CHST6: variants seen among roughly 807,000 people sequenced by gnomAD.
CHST6 encodes N-acetylglucosamine 6-O-sulfotransferase 5.
For synonymous variants in CHST6, 309 were observed against 276.4 expected, an observed-to-expected ratio of 1.12 and a Z score of -1.17; for missense variants, 698 against 586.2, an observed-to-expected ratio of 1.19 and a Z score of -1.97.
chr16:75,491,494 T>A (rs1194374469), intron 1 of CHST6, among the ~76,000 whole-genome samples: 2 of 151,770 alleles, frequency 1.3e-5, no homozygotes, highest in Non-Finnish European at 2.9e-5. Context: ...CTCAGCCTCC[T>A]GAGTAGCTGG....
rs750212631 is a variant in CHST6 at position 75,478,628 on chromosome 16, A to G, written c.*13T>C. 2.0e-5 allele frequency: 33 copies of G among 1,611,900 alleles called. No homozygotes were observed. The East Asian group carries it at 2.2e-4, about 11-fold the overall frequency. ...CCTCCCGGGCCTAGCGCCTGCTACA[A>G]CTGTGGCCTCCACTAATTTCGGGGG... On this transcript the variant is annotated 3_prime_UTR_variant, in exon 3 of 3. Coordinates refer to ENST00000332272, the MANE Select transcript of CHST6 (RefSeq NM_021615.5).
chr16:75,478,844 C>T lies in CHST6; in HGVS notation c.985G>A (p.Val329Ile), dbSNP rs758259312. The T allele has an allele frequency of 2.5e-6, 4 of 1,613,464 alleles. No homozygotes were observed. Among genetic ancestry groups the T allele is most frequent in the African/African-American group, 1.3e-5 (1 of 75,060 alleles). Reference protein sequence around the residue: ...FKTSSRNALNVSQAWRHALPF... With the variant: ...FKTSSRNALNISQAWRHALPF... ...AGCGCATGGCGCCAGGCCTGGGAGA[C>T]GTTGAGCGCATTCCTGGACGAAGTC... is the stretch of plus-strand genomic sequence containing the variant. The change falls in exon 3 of 3, where the codon GTC becomes ATC. Residue 329 changes from valine (V) to isoleucine (I), a missense_variant. Transcript: ENST00000332272.
At chr16:75,490,835 C>T (rs959488293) in intron 1 of CHST6, 1 of 151,618 alleles carries the variant, frequency 6.6e-6, no homozygotes, top group African/African-American at 2.4e-5. Context: ...TCGTAATAGC[C>T]AAAAAGTGGA....
At chr16:75,484,972 G>A (rs956427033) in intron 1 of CHST6, among the ~76,000 whole-genome samples, 8 of 152,190 alleles carry the variant, frequency 5.3e-5, no homozygotes, top group African/African-American at 1.9e-4. Context: ...CAGAGCACAA[G>A]GCCAGTCAGG....
Position 75,478,932 on chromosome 16 carries a change from G to A in CHST6, c.897C>T (p.Leu299=), listed in dbSNP as rs749119225. Residue 299 remains leucine, a synonymous_variant, in exon 3 of 3, where the codon CTC becomes CTT. Transcript: ENST00000332272. ...AFTGLSLTPQ[L]EAWIHNITHG... ...GGGTGATGTTATGGATCCAGGCCTC[G>A]AGCTGTGGCGTGAGACTGAGCCCAG... The A allele has an allele frequency of 6.8e-6, 11 of 1,613,100 alleles. No homozygotes were observed. The highest frequency in any genetic ancestry group is 1.1e-5 in the South Asian group (1 of 91,088).
Position 75,475,603 on chromosome 16 carries a change from A to G in CHST6, c.*3038T>C, listed in dbSNP as rs1567406293. 6.6e-6 allele frequency: 1 copy of G among 152,222 alleles called. No homozygotes were observed. Among genetic ancestry groups the G allele is most frequent in the African/African-American group, 2.4e-5 (1 of 41,454 alleles). The allele number at this position is 152,222 out of a possible 1,614,324, so 9.4% of individuals were successfully genotyped here. A position where few individuals can be genotyped will look rare whatever the true frequency, so the allele number is the denominator to read the frequency against. ...TATGTACCTACCCAGCCCTGGCTTT[A>G]CTGTGCCTAGTCAGCCAGGCCACTT... On this transcript the variant is annotated 3_prime_UTR_variant, in exon 3 of 3. Coordinates refer to ENST00000332272, the MANE Select transcript of CHST6 (RefSeq NM_021615.5).
intron 1 of CHST6, among the ~76,000 whole-genome samples, chr16:75,485,708 T>C (rs1056205320): frequency 6.6e-6 from 1 of 152,046 alleles, no homozygotes; most frequent in African/African-American, 2.4e-5. Flanking sequence ...AGAGATAAGA[T>C]CAGCAAAAGA....
In CHST6 at chr16:75,478,864, G is replaced by T; in HGVS notation, c.965C>A (p.Ser322Ter). The T allele has an allele frequency of 6.2e-7, 1 of 1,613,466 alleles. No homozygotes were observed. ...GGAGACGTTGAGCGCATTCCTGGAC[G>T]AAGTCTTGAAGGCTTCGCGGCGCGC... Reference protein sequence around the residue: ...PGARREAFKTSSRNALNVSQA... With the variant: ...PGARREAFKT Residue 322 changes from serine (S) to a stop codon, truncating the protein, a stop_gained, in exon 3 of 3, where the codon TCG becomes TAG. Transcript: ENST00000332272. LOFTEE classifies it low-confidence loss of function (END_TRUNC).
rs375112875 is a variant in CHST6 at position 75,475,563 on chromosome 16, C to G, written c.*3078G>C. 6.6e-6 allele frequency: 1 copy of G among 152,218 alleles called. No individual in the cohort carries two copies. Among genetic ancestry groups the G allele is most frequent in the Non-Finnish European group, 1.5e-5 (1 of 68,050 alleles). The allele number at this position is 152,218 out of a possible 1,614,324, so 9.4% of individuals were successfully genotyped here. On this transcript the variant is annotated 3_prime_UTR_variant, in exon 3 of 3. Coordinates refer to ENST00000332272, the MANE Select transcript of CHST6 (RefSeq NM_021615.5). ...CACTCTCACAGAGATATAAGACATA[C>G]GTGATCAGCACAAGTATGTACCTAC...
chr16:75,480,845 G>A lies in CHST6; in HGVS notation c.-17+972C>T, dbSNP rs908270550. ...CTCAGGAGGCTGAGGCAGGAGAATC[G>A]CTTGAACCCGGGAGGCAGAGGTTGT... On this transcript the variant is annotated intron_variant, in intron 2 of 2. Coordinates refer to ENST00000332272, the MANE Select transcript of CHST6 (RefSeq NM_021615.5). Among the ~76,000 whole-genome samples the A allele has an allele frequency of 8.1e-5, 12 of 148,586 alleles. No homozygotes were observed. The East Asian group carries it at 2.2e-3, about 27-fold the overall frequency.
At position 75,479,358 on chromosome 16, in the gene CHST6, G is replaced by C; in HGVS notation, c.471C>G (p.Ser157=). ...AVCKPLCARQ[S]FTLAREACRS... ...GGCAGGCCTCCCGGGCCAGGGTGAAGGACTGCCGCGCGCACAGTGGCTTGC... is the reference window on the plus strand; with the variant it reads ...GGCAGGCCTCCCGGGCCAGGGTGAACGACTGCCGCGCGCACAGTGGCTTGC... The change falls in exon 3 of 3, where the codon TCC becomes TCG. Residue 157 remains serine (S), a synonymous_variant. Coordinates refer to ENST00000332272, the MANE Select transcript of CHST6 (RefSeq NM_021615.5). 6.2e-7 allele frequency: 1 copy of C among 1,612,726 alleles called. No homozygotes were observed. Among genetic ancestry groups the C allele is most frequent in the East Asian group, 2.2e-5 (1 of 44,876 alleles).
rs1426357469 is a variant in CHST6, at chr16:75,477,208, C to G, written c.*1433G>C. ...TTTCATTTGGTTGAAGCTTCTAAAC[C>G]TGGAAGGAACCTAAAATGAGCTTCA... On this transcript the variant is annotated 3_prime_UTR_variant, in exon 3 of 3. Transcript: ENST00000332272. 6.6e-6 allele frequency: 1 copy of G among 152,212 alleles called. No individual in the cohort carries two copies. Among genetic ancestry groups the G allele is most frequent in the African/African-American group, 2.4e-5 (1 of 41,450 alleles). The allele number at this position is 152,212 out of a possible 1,614,324, so 9.4% of individuals were successfully genotyped here.
rs765655457 is a variant in CHST6, at chr16:75,478,802, G to C, written c.1027C>G (p.Arg343Gly). The change falls in exon 3 of 3, where the codon CGC (arginine) becomes GGC (glycine). Residue 343 changes from arginine to glycine, a missense_variant. Arg to Gly is a moderately radical substitution (Grantham distance 125). Coordinates refer to ENST00000332272, the MANE Select transcript of CHST6 (RefSeq NM_021615.5). Reference sequence around the variant, plus strand: ...CCAGCGCACAGTTCCTGCACGCGGCGGATCTTGGCAAAGGGCAGCGCATGG... The same window carrying C: ...CCAGCGCACAGTTCCTGCACGCGGCCGATCTTGGCAAAGGGCAGCGCATGG... ...WRHALPFAKI[R>G]RVQELCAGAL... 7 of 1,613,488 alleles carry C rather than the reference G, an allele frequency of 4.3e-6. No homozygotes were observed. The highest frequency in any genetic ancestry group is 5.1e-6 in the Non-Finnish European group (6 of 1,179,992).
chr16:75,493,197 C>T (rs968517109), intron 1 of CHST6, among the ~76,000 whole-genome samples: 1 of 151,874 alleles, frequency 6.6e-6, no homozygotes, highest in African/African-American at 2.4e-5. Flanking sequence ...TTACTTCCTT[C>T]TGTGCCTGCT....
In CHST6 at chr16:75,493,640, T is replaced by C. The variant is rs143330293; in HGVS notation, c.-92+1300A>G. On this transcript the variant is annotated intron_variant, in intron 1 of 2. Transcript: ENST00000332272. ...CAAAGTCTGGCGCATAGTGCACTTA[T>C]GAGTATTTGCTTAGCAATCTTCCTT... 1.4e-4 allele frequency among the ~76,000 whole-genome samples: 21 copies of C among 152,284 alleles called. No individual in the cohort carries two copies. In the East Asian group the frequency reaches 3.1e-3, roughly 22 times the overall value.
chr16:75,487,341 A>G (rs925638843), intron 1 of CHST6, among the ~76,000 whole-genome samples: 5 of 152,158 alleles, frequency 3.3e-5, no homozygotes, highest in Non-Finnish European at 7.4e-5. Context: ...GGCAGCACTC[A>G]CTTCCAGCCA....
At chr16:75,493,289 T>C (rs1473974913) in intron 1 of CHST6, among the ~76,000 whole-genome samples, 3 of 151,884 alleles carry the variant, frequency 2.0e-5, no homozygotes, top group Non-Finnish European at 2.9e-5. Flanking sequence ...GGAGGGCGGA[T>C]CACGAGGTCA....
At position 75,493,824 on chromosome 16, in the gene CHST6, G is replaced by A. The variant is rs188916205; in HGVS notation, c.-92+1116C>T. Among the ~76,000 whole-genome samples the A allele has an allele frequency of 1.1e-3, 170 of 152,210 alleles. 1 individual carries two copies. The highest frequency in any genetic ancestry group is 1.8e-3 in the Non-Finnish European group (119 of 67,994). Reference sequence around the variant, plus strand: ...CACAAGGGCAAACAAAACAGAAGACGCTGGAAAGTCATGGCTAGAGGCCTG... The same window carrying A: ...CACAAGGGCAAACAAAACAGAAGACACTGGAAAGTCATGGCTAGAGGCCTG... On this transcript the variant is annotated intron_variant, in intron 1 of 2. Transcript: ENST00000332272.
rs2151665331 is a variant in CHST6, at chr16:75,478,789, T to C, written c.1040A>G (p.Glu347Gly). 6.2e-7 allele frequency: 1 copy of C among 1,613,446 alleles called. No individual in the cohort carries two copies. The highest frequency in any genetic ancestry group is 2.2e-5 in the East Asian group (1 of 44,878). The change falls in exon 3 of 3, where the codon GAA becomes GGA. Residue 347 changes from glutamate to glycine, a missense_variant. Physicochemically the swap from Glu to Gly is moderately conservative, Grantham distance 98. Transcript: ENST00000332272. ...LPFAKIRRVQ[E>G]LCAGALQLLG... The stretch of plus-strand genomic sequence containing the variant: ...CAGCTGCAGCGCACCAGCGCACAGT[T>C]CCTGCACGCGGCGGATCTTGGCAAA...
Sources: gnomAD v4.1 joint callset for allele counts (sites outside exome capture counted in the v4.1 genomes callset) on GRCh38, gnomAD v4.1.1 for gene constraint, MANE v1.5 for transcripts, NCBI Gene and HGNC (gene_info 2026-07-23, HGNC 2026-07-21) for gene names.